Variants in TMEM117 observed in about 807,000 individuals in gnomAD.
TMEM117 encodes the protein transmembrane protein 117.
Under a neutral mutation model 52.4 loss-of-function variants are expected in TMEM117, and 27 were observed. The ratio of observed to expected loss-of-function variants is 0.51; its 90% confidence interval spans 0.38 to 0.71. TMEM117 has a LOEUF of 0.71. Among genes scored for constraint, TMEM117 ranks in the 30% least tolerant of loss-of-function variants. TMEM117 has a pLI of 0.00. For synonymous variants in TMEM117, 215 were observed against 206.3 expected (o/e 1.04, Z -0.36); for missense variants, 556 against 630.5 (o/e 0.88, Z 1.26).
chr12:44,343,624 G>A (rs1028597847), intron 6 of TMEM117, among the ~76,000 whole-genome samples: 1 of 152,036 alleles, frequency 6.6e-6, no homozygotes, highest in Non-Finnish European at 1.5e-5. Flanking sequence ...AATTAAAAAG[G>A]TTGTAGAGAT....
rs2138288990 is a variant in TMEM117, at chr12:44,172,937, C to A, written c.510+29313C>A. On this transcript the variant is annotated intron_variant, in intron 4 of 7. Coordinates refer to ENST00000266534, the MANE Select transcript of TMEM117 (RefSeq NM_032256.3). ...ATGGGGTTTCACCATGTTGGCCAGG[C>A]TGGTCTCGAACTCCTGACCTCATGT... Among the ~76,000 whole-genome samples the A allele has an allele frequency of 2.0e-5, 3 of 152,252 alleles. No homozygotes were observed. The South Asian group carries it at 6.2e-4, about 32-fold the overall frequency.
chr12:43,878,061 A>G (rs1943834034), intron 2 of TMEM117, among the ~76,000 whole-genome samples: 1 of 63,470 alleles, frequency 1.6e-5, no homozygotes, highest in South Asian at 8.6e-4. Flanking sequence ...ACGTTTTACA[A>G]TGAAAAAAAG....
intron 2 of TMEM117, among the ~76,000 whole-genome samples, chr12:43,912,943 A>T (rs1195429726): frequency 7.2e-5 from 11 of 152,180 alleles, no homozygotes; most frequent in Admixed American, 3.9e-4. Flanking sequence ...TTATTCATAA[A>T]AGCTATCCTA....
chr12:44,171,891 GAAGAGTGT>G lies in TMEM117; in HGVS notation c.510+28268_510+28275del, dbSNP rs1325328813. Among the ~76,000 whole-genome samples the G allele has an allele frequency of 2.6e-5, 4 of 152,146 alleles. No homozygotes were observed. The South Asian group carries it at 8.3e-4, about 32-fold the overall frequency. ...GAGCCAAGCAGAGAGAAAGTGGAGG[GAAGAGTGT>G]TCCAGGCATAGGGAACAGCATGTGC... On this transcript the variant is annotated intron_variant, in intron 4 of 7. Coordinates refer to ENST00000266534, the MANE Select transcript of TMEM117 (RefSeq NM_032256.3).
chr12:43,924,571 T>C (rs1344812643), intron 2 of TMEM117, among the ~76,000 whole-genome samples: 7 of 152,192 alleles, frequency 4.6e-5, no homozygotes, highest in Admixed American at 6.6e-5. Flanking sequence ...TCTGTCTTAA[T>C]AAAATGTCAA....
intron 3 of TMEM117, among the ~76,000 whole-genome samples, chr12:43,963,826 A>T (rs11835197): frequency 6.6e-6 from 1 of 152,134 alleles, no homozygotes; most frequent in Non-Finnish European, 1.5e-5. Flanking sequence ...GGAGTTTTGG[A>T]GAATTTAATG....
chr12:44,224,537 T>TCTCTTCCTC (rs1565610954), intron 5 of TMEM117, among the ~76,000 whole-genome samples: 3 of 151,312 alleles, frequency 2.0e-5, no homozygotes, highest in African/African-American at 7.3e-5. Flanking sequence ...TTCTCCTCCT[T>TCTCTTCCTC]CTCTTCCTCC....
In TMEM117 at chr12:44,380,265, C is replaced by G. The variant is rs144281594; in HGVS notation, c.898+3541C>G. 6.9e-3 allele frequency among the ~76,000 whole-genome samples: 1,058 copies of G among 152,242 alleles called. 9 individuals are homozygous for G. Among genetic ancestry groups the G allele is most frequent in the African/African-American group, 0.024 (1,008 of 41,520 alleles). ...GCTGAAATTTTAGAGCTGGGGCCAGCAGAGGAGACTATGATTGGGGAAAGG... is the reference window on the plus strand; with the variant it reads ...GCTGAAATTTTAGAGCTGGGGCCAGGAGAGGAGACTATGATTGGGGAAAGG... On this transcript the variant is annotated intron_variant, in intron 7 of 7. Transcript: ENST00000266534.
intron 2 of TMEM117, among the ~76,000 whole-genome samples, chr12:43,857,633 T>C (rs1943423604): frequency 6.6e-6 from 1 of 152,206 alleles, no homozygotes; most frequent in Admixed American, 6.5e-5. Flanking sequence ...ACCATATTGA[T>C]AGAGGTCTTA....
At chr12:44,207,092 A>G (rs1949578823) in intron 4 of TMEM117, among the ~76,000 whole-genome samples, 1 of 152,218 alleles carries the variant, frequency 6.6e-6, no homozygotes, top group Non-Finnish European at 1.5e-5. Context: ...ATAAAATGAC[A>G]AACTATCAAA....
intron 2 of TMEM117, among the ~76,000 whole-genome samples, chr12:43,857,304 T>G (rs1731454): frequency 0.7 from 104,511 of 150,022 alleles, 40,534 homozygotes; most frequent in East Asian, 0.87. Flanking sequence ...CAGGGTGCCT[T>G]TCTAGGTACT....
intron 5 of TMEM117, among the ~76,000 whole-genome samples, chr12:44,246,190 G>A (rs1279291195): frequency 2.6e-5 from 4 of 151,994 alleles, no homozygotes; most frequent in South Asian, 2.1e-4. Flanking sequence ...TACAGTAATG[G>A]ACACTTTACT....
chr12:44,376,913 C>T (rs1951949972), intron 7 of TMEM117, among the ~76,000 whole-genome samples, 189 bp downstream of exon 7: 1 of 152,144 alleles, frequency 6.6e-6, no homozygotes, highest in African/African-American at 2.4e-5. Context: ...ACCTAAGTTA[C>T]TGGTGGCTTT....
At chr12:44,088,937 C>A (rs1008270115) in intron 3 of TMEM117, among the ~76,000 whole-genome samples, 7 of 152,136 alleles carry the variant, frequency 4.6e-5, no homozygotes, top group African/African-American at 7.2e-5. Context: ...GTATTTATTT[C>A]TTTGGAGGAC....
At position 43,933,402 on chromosome 12, in the gene TMEM117, C is replaced by T. The variant is rs193107975; in HGVS notation, c.278-10808C>T. On this transcript the variant is annotated intron_variant, in intron 2 of 7. Coordinates refer to ENST00000266534, the MANE Select transcript of TMEM117 (RefSeq NM_032256.3). The stretch of plus-strand genomic sequence containing the variant: ...ATTTTTAGTAGAGACAGGGTTTCAC[C>T]GTGTTTGCCAGGATGGTCTCGATCT... 2.2e-4 allele frequency among the ~76,000 whole-genome samples: 34 copies of T among 151,476 alleles called. No homozygotes were observed. In the East Asian group the frequency reaches 4.7e-3, roughly 21 times the overall value.
chr12:43,932,673 G>C (rs1366687529), intron 2 of TMEM117, among the ~76,000 whole-genome samples: 1 of 151,948 alleles, frequency 6.6e-6, no homozygotes, highest in Admixed American at 6.6e-5. Context: ...CATTATTCTT[G>C]GATATTACTA....
intron 2 of TMEM117, among the ~76,000 whole-genome samples, chr12:43,920,609 G>A (rs1944677945): frequency 6.8e-6 from 1 of 147,854 alleles, no homozygotes; most frequent in African/African-American, 2.5e-5. Flanking sequence ...GGAGTGGAGT[G>A]GCATGATCAC....
rs1565747514 is a variant in TMEM117, at chr12:43,912,508, TA to T, written c.278-31701del. On this transcript the variant is annotated intron_variant, in intron 2 of 7. Transcript: ENST00000266534. ...AACTTAAAGTATAATAATAATAATT[TA>T]TATATATATATATATATATATATAT... Among the ~76,000 whole-genome samples, 22 of 3,200 alleles carry T rather than the reference TA, an allele frequency of 6.9e-3. 1 individual carries two copies. In the East Asian group the frequency reaches 0.32, roughly 46 times the overall value. 2.1% of individuals were successfully genotyped at this position (3,200 alleles called of 152,430 possible).
intron 3 of TMEM117, among the ~76,000 whole-genome samples, chr12:43,946,378 G>GTTTTT (rs1244597058): frequency 2.8e-4 from 32 of 113,446 alleles, no homozygotes; most frequent in East Asian, 1.7e-3. Flanking sequence ...ATATAATTCT[G>GTTTTT]TTTTTTTTTT....
Sources: gnomAD v4.1 joint callset for allele counts (sites outside exome capture counted in the v4.1 genomes callset) on GRCh38, gnomAD v4.1.1 for gene constraint, MANE v1.5 for transcripts, NCBI Gene and HGNC (gene_info 2026-07-23, HGNC 2026-07-21) for gene names.